PRKAR1B: variants seen among roughly 807,000 people sequenced by gnomAD.
The protein encoded by PRKAR1B is cAMP-dependent protein kinase type I-beta regulatory subunit.
PRKAR1B carries 22 observed loss-of-function variants against 46.5 expected under a neutral mutation model. The ratio of observed to expected loss-of-function variants is 0.47; its 90% confidence interval spans 0.34 to 0.68. The LOEUF (loss-of-function observed/expected upper bound fraction) is 0.68, where lower values mean the gene tolerates loss of function less well. PRKAR1B is among the 30% of genes least tolerant of loss of function. PRKAR1B has a pLI of 0.01. For synonymous variants in PRKAR1B, 259 were observed against 217.7 expected, an observed-to-expected ratio of 1.19 and a Z score of -1.67; for missense variants, 445 against 535.6, an observed-to-expected ratio of 0.83 and a Z score of 1.67.
rs117131849 is a variant in PRKAR1B, at chr7:714,341, G to A, written c.-22-2814C>T. ...CAGGACAGCCCTCTGATCCCGAGGC[G>A]CACACACAAGCCCTCCTTCTGCTGC... On this transcript the variant is annotated intron_variant, in intron 1 of 10. Coordinates refer to ENST00000537384, the MANE Select transcript of PRKAR1B (RefSeq NM_001164760.2). This position sits in a 1 kb window ranked among gnomAD's most constrained non-coding sequence, Gnocchi z 4.3. Among the ~76,000 whole-genome samples the A allele has an allele frequency of 0.017, 2,604 of 152,224 alleles. 42 individuals are homozygous for A. The highest frequency in any genetic ancestry group is 0.1 in the East Asian group (522 of 5,178).
intron 4 of PRKAR1B, among the ~76,000 whole-genome samples, chr7:629,792 C>T (rs1783629748): frequency 3.9e-5 from 4 of 103,366 alleles, no homozygotes; most frequent in Admixed American, 2.8e-4. Context: ...CCTCCGAGGG[C>T]GTCACCACCC....
At chr7:662,689 G>A (rs1470237993) in intron 4 of PRKAR1B, among the ~76,000 whole-genome samples, 1 of 137,168 alleles carries the variant, frequency 7.3e-6, no homozygotes. Context: ...TCTCCCCTCA[G>A]TGGCACAGGT....
At chr7:615,350 G>A (rs939692555) in intron 4 of PRKAR1B, among the ~76,000 whole-genome samples, 3 of 151,178 alleles carry the variant, frequency 2.0e-5, no homozygotes, top group African/African-American at 2.4e-5. Flanking sequence ...GCTGGAACCC[G>A]GGAAGCGGAG....
intron 4 of PRKAR1B, among the ~76,000 whole-genome samples, chr7:673,738 C>T (rs1199199103): frequency 6.6e-6 from 1 of 152,160 alleles, no homozygotes; most frequent in Non-Finnish European, 1.5e-5. Context: ...CCTCTGTGCA[C>T]GTATCCCAGG....
chr7:567,905 G>A (rs769083859), intron 9 of PRKAR1B, among the ~76,000 whole-genome samples: 3 of 152,090 alleles, frequency 2.0e-5, no homozygotes, highest in Non-Finnish European at 4.4e-5. Flanking sequence ...TGTGTTTGGT[G>A]GGGACAGAGC....
At chr7:727,443 C>G, upstream of PRKAR1B, 1 of 381,770 alleles carries the variant, frequency 2.6e-6, no homozygotes, top group Non-Finnish European at 4.1e-6. Context: ...CCCCAACATC[C>G]CGGACCCCCC....
At chr7:690,813 C>T (rs978076444) in intron 2 of PRKAR1B, among the ~76,000 whole-genome samples, 1 of 152,168 alleles carries the variant, frequency 6.6e-6, no homozygotes, top group African/African-American at 2.4e-5. Context: ...AAACACAACA[C>T]CCAGCAGTCC....
intron 7 of PRKAR1B, among the ~76,000 whole-genome samples, chr7:590,426 G>T (rs775292937): frequency 8.5e-5 from 13 of 152,234 alleles, no homozygotes; most frequent in Non-Finnish European, 1.6e-4. Flanking sequence ...TCCAACGTGT[G>T]GCCCTCGCGT....
chr7:709,972 G>A (rs185330056), intron 2 of PRKAR1B, among the ~76,000 whole-genome samples: 2,103 of 152,264 alleles, frequency 0.014, 48 homozygotes, highest in African/African-American at 0.048. Context: ...AACATTTGAG[G>A]GGGAATTCGG....
chr7:598,182 A>G (rs530661768), intron 6 of PRKAR1B, among the ~76,000 whole-genome samples: 2,271 of 130,168 alleles, frequency 0.017, 44 homozygotes, highest in African/African-American at 0.062. Flanking sequence ...AAACACCATC[A>G]CCCTCCCTCC....
intron 4 of PRKAR1B, among the ~76,000 whole-genome samples, chr7:626,008 C>CAAAAAAAA (rs71016892): frequency 2.7e-5 from 3 of 110,582 alleles, no homozygotes; most frequent in Non-Finnish European, 5.5e-5. Context: ...AACTCCATCT[C>CAAAAAAAA]AAAAAAAAAA....
At chr7:700,141 T>G (rs1031379632) in intron 2 of PRKAR1B, among the ~76,000 whole-genome samples, 14 of 152,008 alleles carry the variant, frequency 9.2e-5, no homozygotes, top group African/African-American at 3.1e-4. Context: ...ACCCCAAGTT[T>G]CGTATGCACA....
intron 9 of PRKAR1B, among the ~76,000 whole-genome samples, chr7:575,879 C>T (rs748807139): frequency 7.9e-5 from 12 of 152,228 alleles, no homozygotes; most frequent in Non-Finnish European, 1.2e-4. Context: ...GCCCAACAGC[C>T]GCCTTTAATA....
At chr7:658,297 A>G (rs949215954) in intron 4 of PRKAR1B, among the ~76,000 whole-genome samples, 7 of 152,222 alleles carry the variant, frequency 4.6e-5, no homozygotes, top group African/African-American at 1.7e-4. Context: ...TTAGCCAGGC[A>G]TGGTGGTGCA....
intron 2 of PRKAR1B, among the ~76,000 whole-genome samples, chr7:693,794 G>A (rs1779576289): frequency 6.6e-6 from 1 of 152,200 alleles, no homozygotes; most frequent in Admixed American, 6.5e-5. Context: ...TGTGGTCACT[G>A]CATGTTTAAC....
In PRKAR1B at chr7:666,697, G is replaced by A. The variant is rs1785948290; in HGVS notation, c.440+10532C>T. 6.6e-6 allele frequency among the ~76,000 whole-genome samples: 1 copy of A among 152,232 alleles called. No individual in the cohort carries two copies. Among genetic ancestry groups the A allele is most frequent in the Admixed American group, 6.5e-5 (1 of 15,292 alleles). On this transcript the variant is annotated intron_variant, in intron 4 of 10. Transcript: ENST00000537384. The surrounding 1 kb of genome is among the most constrained non-coding windows in gnomAD (Gnocchi z 4.9). ...CCTCCTAGGGATCTTCCTGCTGACT[G>A]TGGGTGCTGGGAGGCCCGGAGCGGC... is the stretch of plus-strand genomic sequence containing the variant.
At chr7:635,457 C>A (rs1783992193) in intron 4 of PRKAR1B, among the ~76,000 whole-genome samples, 1 of 152,194 alleles carries the variant, frequency 6.6e-6, no homozygotes, top group South Asian at 2.1e-4. Flanking sequence ...CTGCCTGCAC[C>A]CCCCTGGGGC....
intron 4 of PRKAR1B, among the ~76,000 whole-genome samples, chr7:645,795 G>T (rs1161355436): frequency 6.6e-6 from 1 of 152,134 alleles, no homozygotes; most frequent in Non-Finnish European, 1.5e-5. Context: ...GGACCGTGAG[G>T]TCAGCATGCG....
At chr7:574,447 A>ATTT (rs71546451) in intron 9 of PRKAR1B, among the ~76,000 whole-genome samples, 12,143 of 145,690 alleles carry the variant, frequency 0.083, 557 homozygotes, top group Non-Finnish European at 0.11. Context: ...ACAGATCCAG[A>ATTT]TTTTTTTTTT....
Sources: gnomAD v4.1 joint callset for allele counts (sites outside exome capture counted in the v4.1 genomes callset) on GRCh38, gnomAD v4.1.1 for gene constraint, Gnocchi (gnomAD v3.1) non-coding constraint, MANE v1.5 for transcripts, NCBI Gene and HGNC (gene_info 2026-07-23, HGNC 2026-07-21) for gene names.